NR2F1-AS1: variants seen among roughly 807,000 people sequenced by gnomAD.
NR2F1-AS1 encodes the protein NR2F1 regulatory antisense RNA 1.
At chr5:93,507,752 TG>T (rs1751217210) in intron 4 of NR2F1-AS1, among the ~76,000 whole-genome samples, 1 of 152,272 alleles carries the variant, frequency 6.6e-6, no homozygotes, top group Non-Finnish European at 1.5e-5. Flanking sequence ...ATCTACAAAC[TG>T]TCAAAACTAA....
At chr5:93,508,292 A>G (rs1181051283) in intron 4 of NR2F1-AS1, among the ~76,000 whole-genome samples, 1 of 152,226 alleles carries the variant, frequency 6.6e-6, no homozygotes, top group Non-Finnish European at 1.5e-5. Flanking sequence ...TAGGGAACCC[A>G]GAAACAGAAC....
At chr5:93,437,785 A>G (rs548635907) in intron 4 of NR2F1-AS1, among the ~76,000 whole-genome samples, 6 of 152,352 alleles carry the variant, frequency 3.9e-5, no homozygotes, top group Admixed American at 3.9e-4. Context: ...TAACATAGCC[A>G]AAGTTTATAT....
intron 4 of NR2F1-AS1, among the ~76,000 whole-genome samples, chr5:93,490,239 T>C (rs1750807354): frequency 6.6e-6 from 1 of 152,266 alleles, no homozygotes; most frequent in African/African-American, 2.4e-5. Context: ...AAATACCCCA[T>C]TTCTCCTTCT....
At chr5:93,454,881 C>T (rs1045059940) in intron 4 of NR2F1-AS1, among the ~76,000 whole-genome samples, 6 of 152,032 alleles carry the variant, frequency 3.9e-5, no homozygotes, top group Non-Finnish European at 1.5e-5. Flanking sequence ...AAGCTCTATG[C>T]CTCTTCCCAC....
chr5:93,517,126 T>C (rs1751414046), intron 4 of NR2F1-AS1, among the ~76,000 whole-genome samples: 1 of 151,996 alleles, frequency 6.6e-6, no homozygotes, highest in African/African-American at 2.4e-5. Context: ...TTTGTCTTAT[T>C]ATCATCTTCC....
At chr5:93,461,609 A>T (rs1561449814) in intron 4 of NR2F1-AS1, among the ~76,000 whole-genome samples, 1 of 152,224 alleles carries the variant, frequency 6.6e-6, no homozygotes, top group Non-Finnish European at 1.5e-5. Flanking sequence ...GATGTTGTAG[A>T]GTGAGATGTA....
chr5:93,502,465 GTAGA>G lies in NR2F1-AS1; in HGVS notation n.638+51292_638+51295del, dbSNP rs1214475879. ...GCATAACAACTTAAGAACATATAAC[GTAGA>G]AACTGAACCTAGGGGCCAGTAGCTA... On this transcript the variant is annotated intron_variant and non_coding_transcript_variant, in intron 4 of 5. Transcript: ENST00000660523. Among the ~76,000 whole-genome samples the G allele has an allele frequency of 2.5e-3, 382 of 152,236 alleles. 1 individual carries two copies. The highest frequency in any genetic ancestry group is 8.2e-3 in the African/African-American group (342 of 41,548).
intron 1 of NR2F1-AS1, chr5:93,580,379 C>G (rs1405347701): frequency 6.6e-6 from 1 of 152,382 alleles, no homozygotes; most frequent in Non-Finnish European, 1.5e-5. Context: ...TCTCGGCCTG[C>G]GGAGGCCGTG....
intron 2 of NR2F1-AS1, among the ~76,000 whole-genome samples, chr5:93,560,411 C>T (rs1752461204): frequency 6.6e-6 from 1 of 152,194 alleles, no homozygotes. Context: ...ACATTCAAAA[C>T]CTAATCTTGG....
chr5:93,460,246 A>C (rs1750059544), intron 4 of NR2F1-AS1, among the ~76,000 whole-genome samples: 1 of 152,202 alleles, frequency 6.6e-6, no homozygotes, highest in African/African-American at 2.4e-5. Flanking sequence ...AGACTCAGGA[A>C]GGCAGAAAGA....
chr5:93,575,458 G>C (rs969079361), intron 1 of NR2F1-AS1, among the ~76,000 whole-genome samples: 8 of 152,176 alleles, frequency 5.3e-5, no homozygotes, highest in Admixed American at 3.9e-4. Context: ...CGTGTCTATA[G>C]CATGTAAAAC....
At chr5:93,465,406 C>A (rs538267947) in intron 4 of NR2F1-AS1, among the ~76,000 whole-genome samples, 3 of 152,264 alleles carry the variant, frequency 2.0e-5, no homozygotes, top group Admixed American at 6.5e-5. Context: ...GAATGGCGAT[C>A]ATTAAAAAGT....
At chr5:93,482,968 C>A (rs1465597454) in intron 4 of NR2F1-AS1, among the ~76,000 whole-genome samples, 2 of 152,186 alleles carry the variant, frequency 1.3e-5, no homozygotes, top group African/African-American at 2.4e-5. Context: ...GATTATCAAA[C>A]TCCCATCTCG....
At chr5:93,548,707 AC>A in intron 4 of NR2F1-AS1, among the ~76,000 whole-genome samples, 1 of 151,076 alleles carries the variant, frequency 6.6e-6, no homozygotes. Context: ...TACTAAAAAT[AC>A]AAAAAAAAAA....
intron 4 of NR2F1-AS1, among the ~76,000 whole-genome samples, chr5:93,527,521 A>C (rs1451529985): frequency 6.6e-6 from 1 of 152,348 alleles, no homozygotes; most frequent in South Asian, 2.1e-4. Flanking sequence ...GGAACCAAAA[A>C]AGAGCCTGTA....
upstream of NR2F1-AS1, chr5:93,585,502 C>T: frequency 6.3e-7 from 1 of 1,592,778 alleles, no homozygotes; most frequent in Non-Finnish European, 8.6e-7. Context: ...TATTTCTTCT[C>T]TGCTTCTCTC....
upstream of NR2F1-AS1, chr5:93,585,086 C>A (rs1432991015): frequency 5.9e-6 from 6 of 1,017,052 alleles, no homozygotes; most frequent in African/African-American, 7.0e-5. Flanking sequence ...GCAACCCCGG[C>A]GGCCCCAACC....
intron 4 of NR2F1-AS1, among the ~76,000 whole-genome samples, chr5:93,435,699 G>C (rs1260946102): frequency 6.6e-6 from 1 of 152,240 alleles, no homozygotes; most frequent in Non-Finnish European, 1.5e-5. Flanking sequence ...TCAAGTCATA[G>C]TTCTATCATC....
intron 4 of NR2F1-AS1, among the ~76,000 whole-genome samples, chr5:93,549,787 A>T (rs1006984206): frequency 6.6e-6 from 1 of 152,144 alleles, no homozygotes; most frequent in Non-Finnish European, 1.5e-5. Context: ...TGCAGCCATA[A>T]AAAAGGATGG....
Sources: gnomAD v4.1 joint callset for allele counts (sites outside exome capture counted in the v4.1 genomes callset) on GRCh38, gnomAD v4.1.1 for gene constraint, MANE v1.5 for transcripts, NCBI Gene and HGNC (gene_info 2026-07-23, HGNC 2026-07-21) for gene names.